The following PACS2 variants were observed in gnomAD, a reference collection of about 807,000 sequenced individuals.
The protein encoded by PACS2 is phosphofurin acidic cluster sorting protein 2, also known as PACS1-like protein.
In PACS2, 36 loss-of-function variants were observed where a neutral mutation model predicts 113.0. The observed-to-expected ratio is 0.32, with a 90% confidence interval of 0.24 to 0.42. PACS2 has a LOEUF of 0.42. PACS2 is among the 10% of genes least tolerant of loss of function. The probability of loss-of-function intolerance (pLI) is 1.00; values close to 1 mark genes in which losing one functional copy is unlikely to be tolerated. For missense variants in PACS2, 1,015 were observed against 1,239.5 expected, an observed-to-expected ratio of 0.82 and a Z score of 2.72; for synonymous variants, 589 against 536.1, an observed-to-expected ratio of 1.10 and a Z score of -1.36.
At chr14:105,367,127 C>A in intron 4 of PACS2, 86 bp from the exon 5 acceptor site, 2 of 1,249,664 alleles carry the variant, frequency 1.6e-6, no homozygotes, top group Non-Finnish European at 1.1e-6. Context: ...AGAGAGAAAG[C>A]CCTTCAGAAA....
chr14:105,306,059 G>C (rs747277069), intron 1 of PACS2, among the ~76,000 whole-genome samples: 16 of 152,322 alleles, frequency 1.1e-4, no homozygotes, highest in East Asian at 9.6e-4. Context: ...TCCTTCATGG[G>C]GGCCCCAGAG....
chr14:105,313,446 G>A (rs1392054753), upstream of PACS2, among the ~76,000 whole-genome samples: 1 of 152,230 alleles, frequency 6.6e-6, no homozygotes, highest in African/African-American at 2.4e-5. Context: ...CCACCTTAGA[G>A]GAGCCAGGGG....
chr14:105,318,325 G>T (rs587626034), intron 1 of PACS2, among the ~76,000 whole-genome samples: 1 of 152,300 alleles, frequency 6.6e-6, no homozygotes, highest in African/African-American at 2.4e-5. Context: ...TTGTGGCCCA[G>T]ACTGGGGTGC....
chr14:105,345,706 T>C (rs782226715), intron 1 of PACS2, among the ~76,000 whole-genome samples: 1 of 152,264 alleles, frequency 6.6e-6, no homozygotes, highest in African/African-American at 2.4e-5. Flanking sequence ...ATTCTTTGTA[T>C]GATATCAGCT....
In PACS2 at chr14:105,348,601, G is replaced by A. The variant is rs782464491; in HGVS notation, c.207+21G>A. On this transcript the variant is annotated intron_variant, in intron 2 of 24. Coordinates refer to ENST00000447393, the MANE Select transcript of PACS2 (RefSeq NM_001100913.3). The surrounding 1 kb of genome is among the most constrained non-coding windows in gnomAD (Gnocchi z 6.4). ...TGCAGGTGAGGCCGCTTGTGACCCC[G>A]GCTGTGGCTGGGTGCTGTGTAGGCT... The A allele has an allele frequency of 5.8e-6, 9 of 1,557,074 alleles. No homozygotes were observed. The highest frequency in any genetic ancestry group is 1.1e-5 in the South Asian group (1 of 90,000).
intron 19 of PACS2, among the ~76,000 whole-genome samples, chr14:105,387,416 T>C (rs1485267220): frequency 6.6e-6 from 1 of 152,228 alleles, no homozygotes; most frequent in Non-Finnish European, 1.5e-5. Flanking sequence ...TGCTCAGGCA[T>C]CCGGCAGCTT....
chr14:105,301,042 T>A (rs2057999752), intron 1 of PACS2: 1 of 148,842 alleles, frequency 6.7e-6, no homozygotes, highest in African/African-American at 2.5e-5. Context: ...AGCCCGGGAC[T>A]GGAGTTTGGG....
In PACS2 at chr14:105,356,708, T is replaced by C. The variant is rs2060462688; in HGVS notation, c.423+1531T>C. ...CCCTGCCGGTCCCTGTGTTTCCCAT[T>C]AGCCATGCAGGCGAGGTCCTGCTGA... On this transcript the variant is annotated intron_variant, in intron 4 of 24. Coordinates refer to ENST00000447393, the MANE Select transcript of PACS2 (RefSeq NM_001100913.3). This position sits in a 1 kb window ranked among gnomAD's most constrained non-coding sequence, Gnocchi z 4.0. 1.4e-5 allele frequency among the ~76,000 whole-genome samples: 2 copies of C among 147,508 alleles called. No individual in the cohort carries two copies. Among genetic ancestry groups the C allele is most frequent in the South Asian group, 4.4e-4 (2 of 4,548 alleles).
intron 12 of PACS2, 112 bp downstream of exon 12, chr14:105,381,211 G>A (rs2080982480): frequency 1.4e-5 from 12 of 860,696 alleles, no homozygotes; most frequent in African/African-American, 5.1e-5. Flanking sequence ...GAGCTCCCTC[G>A]GGTGTAGACA....
In PACS2 at chr14:105,355,273, A is replaced by C. The variant is rs587593663; in HGVS notation, c.423+96A>C. ...ATGGAGATGTCTCTCCCGGGTCCAG[A>C]TGTCCAGGGATCAGGTGAAAATGAT... On this transcript the variant is annotated intron_variant, in intron 4 of 24. Coordinates refer to ENST00000447393, the MANE Select transcript of PACS2 (RefSeq NM_001100913.3). The surrounding 1 kb of genome is among the most constrained non-coding windows in gnomAD (Gnocchi z 4.1). 11 of 1,379,430 alleles carry C rather than the reference A, an allele frequency of 8.0e-6. No homozygotes were observed. The highest frequency in any genetic ancestry group is 2.4e-5 in the East Asian group (1 of 41,954). 85.4% of individuals were successfully genotyped at this position (1,379,430 alleles called of 1,614,324 possible).
chr14:105,351,222 G>A (rs1486576560), intron 2 of PACS2, among the ~76,000 whole-genome samples: 1 of 152,370 alleles, frequency 6.6e-6, no homozygotes, highest in African/African-American at 2.4e-5. Flanking sequence ...CATCCTTGTT[G>A]GGATGGTCCC....
At chr14:105,316,329 A>C (rs979158075) in intron 1 of PACS2, among the ~76,000 whole-genome samples, 3 of 152,208 alleles carry the variant, frequency 2.0e-5, no homozygotes, top group Non-Finnish European at 4.4e-5. Flanking sequence ...TGGGGCCTCA[A>C]AGCCAAAGCC....
At chr14:105,338,588 C>T (rs2059612804) in intron 1 of PACS2, among the ~76,000 whole-genome samples, 1 of 152,136 alleles carries the variant, frequency 6.6e-6, no homozygotes, top group Non-Finnish European at 1.5e-5. Flanking sequence ...CTCAGAGTGA[C>T]CCTGGAGGGA....
intron 4 of PACS2, among the ~76,000 whole-genome samples, chr14:105,362,620 G>A (rs1426399134): frequency 1.3e-5 from 2 of 152,034 alleles, no homozygotes; most frequent in Non-Finnish European, 1.5e-5. Flanking sequence ...GGAGGTCAAG[G>A]CAGGTGGATC....
chr14:105,301,380 G>T (rs1380712717), intron 1 of PACS2: 1 of 152,284 alleles, frequency 6.6e-6, no homozygotes, highest in Non-Finnish European at 1.5e-5. Context: ...TGTGGGCGGG[G>T]GAAGGGGGCG....
intron 1 of PACS2, among the ~76,000 whole-genome samples, chr14:105,321,500 C>T (rs962226867): frequency 6.6e-6 from 1 of 151,974 alleles, no homozygotes; most frequent in African/African-American, 2.4e-5. Flanking sequence ...GTAGCTGGGA[C>T]TACAGGTGTG....
At chr14:105,316,688 G>T (rs1288337807) in intron 1 of PACS2, among the ~76,000 whole-genome samples, 1 of 151,966 alleles carries the variant, frequency 6.6e-6, no homozygotes, top group African/African-American at 2.4e-5. Flanking sequence ...GCCCACTCTG[G>T]TGTCTGTGGG....
Position 105,369,871 on chromosome 14 carries a change from C to T in PACS2, c.772C>T (p.Leu258=), listed in dbSNP as rs1555408916. 1 of 1,604,722 alleles carries T rather than the reference C, an allele frequency of 6.2e-7. No homozygotes were observed. Among genetic ancestry groups the T allele is most frequent in the Non-Finnish European group, 8.5e-7 (1 of 1,178,302 alleles). ...GAACTTCAAGCAGAAAGTGGTAGCGCTGCTGCGGAGGTTCAAAGTGTCCGA... is the reference window on the plus strand; with the variant it reads ...GAACTTCAAGCAGAAAGTGGTAGCGTTGCTGCGGAGGTTCAAAGTGTCCGA... The part of the protein sequence containing the change: ...QQNFKQKVVA[L]LRRFKVSDEV... Residue 258 remains leucine (L), a synonymous_variant, in exon 8 of 25, where the codon CTG becomes TTG. Coordinates refer to ENST00000447393, the MANE Select transcript of PACS2 (RefSeq NM_001100913.3).
Position 105,317,610 on chromosome 14 carries a change from T to C in PACS2, c.119+2573T>C, listed in dbSNP as rs587725503. On this transcript the variant is annotated intron_variant, in intron 1 of 24. Coordinates refer to ENST00000447393, the MANE Select transcript of PACS2 (RefSeq NM_001100913.3). The surrounding 1 kb of genome is among the most constrained non-coding windows in gnomAD (Gnocchi z 4.2). Reference sequence around the variant, plus strand: ...CTTGTCAGTGAAATTCCTGTTCCTTTGCCAGTTTTTTTTTCTCTTTTTTTC... The same window carrying C: ...CTTGTCAGTGAAATTCCTGTTCCTTCGCCAGTTTTTTTTTCTCTTTTTTTC... Among the ~76,000 whole-genome samples the C allele has an allele frequency of 2.6e-5, 4 of 151,756 alleles. No homozygotes were observed. The East Asian group carries it at 7.7e-4, about 29-fold the overall frequency.
Sources: gnomAD v4.1 joint callset for allele counts (sites outside exome capture counted in the v4.1 genomes callset) on GRCh38, gnomAD v4.1.1 for gene constraint, Gnocchi (gnomAD v3.1) non-coding constraint, MANE v1.5 for transcripts, NCBI Gene and HGNC (gene_info 2026-07-23, HGNC 2026-07-21) for gene names.